Variants in SGCD observed in about 807,000 individuals in gnomAD.
SGCD encodes delta-sarcoglycan.
SGCD carries 18 observed loss-of-function variants against 36.6 expected under a neutral mutation model. The ratio of observed to expected loss-of-function variants is 0.49; its 90% CI spans 0.34 to 0.73. The LOEUF (loss-of-function observed/expected upper bound fraction) is 0.73. Ranked by LOEUF, SGCD falls within the 30% of genes least tolerant of loss-of-function variation. The pLI is 0.01. For synonymous variants in SGCD, 133 were observed against 130.6 expected (o/e 1.02, Z -0.12); for missense variants, 387 against 346.7 (o/e 1.12, Z -0.92).
At chr5:156,575,885 T>C (rs1462790978) in intron 4 of SGCD, among the ~76,000 whole-genome samples, 1 of 152,018 alleles carries the variant, frequency 6.6e-6, no homozygotes, top group Admixed American at 6.6e-5. Context: ...GGGGAGAGTA[T>C]ATTGAATTGC....
intron 6 of SGCD, among the ~76,000 whole-genome samples, chr5:156,611,580 C>T (rs1432627436): frequency 1.3e-5 from 2 of 152,054 alleles, no homozygotes; most frequent in Non-Finnish European, 2.9e-5. Flanking sequence ...TTATAATGTG[C>T]CTTGGAGTTG....
chr5:155,954,563 CT>C (rs199889260), intron 1 of SGCD, among the ~76,000 whole-genome samples: 1,904 of 130,634 alleles, frequency 0.015, 12 homozygotes, highest in African/African-American at 0.025. Flanking sequence ...TTATGGGGTT[CT>C]TTTTTTTTTT....
intron 3 of SGCD, among the ~76,000 whole-genome samples, chr5:156,420,837 T>G (rs1407221372): frequency 1.3e-5 from 2 of 152,130 alleles, no homozygotes; most frequent in Non-Finnish European, 2.9e-5. Context: ...AGAACCATTT[T>G]GGATGTTATG....
chr5:155,921,085 T>C (rs558403660), intron 1 of SGCD, among the ~76,000 whole-genome samples: 1 of 152,026 alleles, frequency 6.6e-6, no homozygotes, highest in East Asian at 1.9e-4. Context: ...GAGCCCAGGA[T>C]AAAAACACGG....
At chr5:155,729,528 C>A in the SGCD span, among the ~76,000 whole-genome samples, 2 of 152,226 alleles carry the variant, frequency 1.3e-5, no homozygotes, top group Non-Finnish European at 2.9e-5. Flanking sequence ...GCTGACGGAT[C>A]CAGCCTCCGG....
intron 1 of SGCD, among the ~76,000 whole-genome samples, chr5:155,884,732 G>A (rs1755966916): frequency 6.6e-6 from 1 of 152,186 alleles, no homozygotes; most frequent in African/African-American, 2.4e-5. Context: ...TTGGTTACGT[G>A]ACTTTGAGCA....
chr5:156,546,182 C>T (rs1758564897), intron 4 of SGCD, among the ~76,000 whole-genome samples: 1 of 152,184 alleles, frequency 6.6e-6, no homozygotes, highest in East Asian at 1.9e-4. Context: ...CCATGGAACA[C>T]TGTATTCTGG....
At chr5:156,202,683 G>T (rs1049508184) in intron 3 of SGCD, among the ~76,000 whole-genome samples, 1 of 151,844 alleles carries the variant, frequency 6.6e-6, no homozygotes, top group Admixed American at 6.6e-5. Context: ...TCTCACAGGG[G>T]TGTCAGAATC....
chr5:156,612,784 C>T (rs1034212144), intron 6 of SGCD, among the ~76,000 whole-genome samples: 2 of 152,156 alleles, frequency 1.3e-5, no homozygotes, highest in Non-Finnish European at 2.9e-5. Context: ...GCAGTTGATC[C>T]ATTGTTAAGA....
the SGCD span, among the ~76,000 whole-genome samples, chr5:155,803,383 G>A: frequency 6.6e-6 from 1 of 152,194 alleles, no homozygotes; most frequent in Non-Finnish European, 1.5e-5. Flanking sequence ...ACCATGGAGA[G>A]AAGGCCTTTT....
At chr5:156,462,488 T>C (rs950473445) in intron 3 of SGCD, among the ~76,000 whole-genome samples, 1 of 152,182 alleles carries the variant, frequency 6.6e-6, no homozygotes, top group Non-Finnish European at 1.5e-5. Context: ...AAGGACTTAA[T>C]TTACTAAATT....
At chr5:155,785,739 G>C in the SGCD span, among the ~76,000 whole-genome samples, 1 of 152,032 alleles carries the variant, frequency 6.6e-6, no homozygotes, top group Non-Finnish European at 1.5e-5. Context: ...AAATAACTCA[G>C]GCTGACTTTG....
At chr5:156,647,123 A>G (rs558708516) in intron 6 of SGCD, among the ~76,000 whole-genome samples, 1 of 152,276 alleles carries the variant, frequency 6.6e-6, no homozygotes, top group Admixed American at 6.6e-5. Flanking sequence ...TTTTCAAAAC[A>G]TTTCCGGTTG....
intron 3 of SGCD, among the ~76,000 whole-genome samples, chr5:156,144,992 T>C (rs1445341544): frequency 6.6e-6 from 1 of 152,220 alleles, no homozygotes; most frequent in Non-Finnish European, 1.5e-5. Flanking sequence ...TATTTTGATA[T>C]GTCAGAATGA....
chr5:156,524,310 C>A (rs1757560886), intron 4 of SGCD, among the ~76,000 whole-genome samples: 1 of 130,538 alleles, frequency 7.7e-6, no homozygotes, highest in African/African-American at 3.1e-5. Context: ...TATATATCAT[C>A]ATGCAGGAGT....
At chr5:156,594,834 G>T in intron 5 of SGCD, 98 bp from the exon 6 acceptor site, 1 of 792,648 alleles carries the variant, frequency 1.3e-6, no homozygotes, top group Admixed American at 2.3e-5. Flanking sequence ...TGTGTTCTAT[G>T]AAAAGCTTTT....
At chr5:156,155,728 G>A (rs1260019027) in intron 3 of SGCD, among the ~76,000 whole-genome samples, 5 of 151,456 alleles carry the variant, frequency 3.3e-5, no homozygotes, top group Admixed American at 6.6e-5. Flanking sequence ...GAGCCAAGTA[G>A]CCCTCCGTCT....
chr5:156,292,408 C>T (rs529523922), intron 3 of SGCD, among the ~76,000 whole-genome samples: 35 of 152,190 alleles, frequency 2.3e-4, no homozygotes, highest in African/African-American at 6.7e-4. Flanking sequence ...AGCATAACGT[C>T]CTCAAGGTTT....
intron 3 of SGCD, among the ~76,000 whole-genome samples, chr5:156,359,629 C>T (rs1161523263): frequency 6.6e-6 from 1 of 152,156 alleles, no homozygotes; most frequent in Non-Finnish European, 1.5e-5. Context: ...ATACTGTCTC[C>T]ATTCCTCAGA....
Sources: allele counts gnomAD v4.1 joint callset (sites outside exome capture counted in the v4.1 genomes callset), GRCh38; gene constraint gnomAD v4.1.1; transcripts MANE v1.5; gene names NCBI Gene and HGNC (gene_info 2026-07-23, HGNC 2026-07-21).